SRGAP1: variants seen among roughly 807,000 people sequenced by gnomAD.
The protein encoded by SRGAP1 is SLIT-ROBO Rho GTPase activating protein 1, also known as SLIT-ROBO Rho GTPase-activating protein 1.
Under a neutral mutation model 121.9 loss-of-function variants are expected in SRGAP1, and 43 were observed. That is an observed-to-expected ratio of 0.35 (90% CI 0.28 to 0.46). The LOEUF is 0.46. Ranked by LOEUF, SRGAP1 falls within the 20% of genes least tolerant of loss-of-function variation. The pLI is 1.00. For missense variants in SRGAP1, 1,102 were observed against 1,350.9 expected, an observed-to-expected ratio of 0.82 and a Z score of 2.89; for synonymous variants, 447 against 485.4, an observed-to-expected ratio of 0.92 and a Z score of 1.04.
chr12:63,856,117 G>A (rs1213056407), intron 1 of SRGAP1, among the ~76,000 whole-genome samples: 1 of 152,108 alleles, frequency 6.6e-6, no homozygotes, highest in Non-Finnish European at 1.5e-5. Context: ...AATTAGCTGG[G>A]CATGGTGGCA....
chr12:63,986,401 AAGAC>A (rs1194872021), intron 2 of SRGAP1, among the ~76,000 whole-genome samples: 16 of 152,112 alleles, frequency 1.1e-4, no homozygotes, highest in Admixed American at 6.6e-5. Flanking sequence ...TGTAATTAAG[AAGAC>A]AGCCCATTCA....
At chr12:63,978,109 A>G (rs2033140812) in intron 1 of SRGAP1, among the ~76,000 whole-genome samples, 1 of 152,224 alleles carries the variant, frequency 6.6e-6, no homozygotes, top group Admixed American at 6.5e-5. Flanking sequence ...TGGGTGTGGA[A>G]ATAGGAGTTT....
rs1397623549 is a variant in SRGAP1 at position 64,159,648 on chromosome 12, TAAC to T, written c.*16979_*16981del. On this transcript the variant is annotated 3_prime_UTR_variant, in exon 22 of 22. Coordinates refer to ENST00000355086, the MANE Select transcript of SRGAP1 (RefSeq NM_020762.4). ...AGTGAGATCCTGTCTCAAAAAATAA[TAAC>T]AATAACGTATGAGAGAGGATTCAAG... The T allele has an allele frequency of 2.0e-5, 3 of 152,202 alleles. No individual in the cohort carries two copies. Among genetic ancestry groups the T allele is most frequent in the Admixed American group, 6.5e-5 (1 of 15,270 alleles). 9.4% of individuals were successfully genotyped at this position (152,202 alleles called of 1,614,324 possible). A position where few individuals can be genotyped will look rare whatever the true frequency, so the allele number is the denominator to read the frequency against.
rs530072721 is a variant in SRGAP1, at chr12:63,945,229, C to A, written c.68-38718C>A. Among the ~76,000 whole-genome samples, 5 of 151,852 alleles carry A rather than the reference C, an allele frequency of 3.3e-5. No individual in the cohort carries two copies. The South Asian group carries it at 1.0e-3, about 32-fold the overall frequency. ...GAATGGTTCTTCTCAGGGCCAAAGG[C>A]TTCTGTCTTTCTCCCTTCCTCTTTT... On this transcript the variant is annotated intron_variant, in intron 1 of 21. Coordinates refer to ENST00000355086, the MANE Select transcript of SRGAP1 (RefSeq NM_020762.4).
At chr12:63,903,880 G>T (rs1039797525) in intron 1 of SRGAP1, among the ~76,000 whole-genome samples, 1 of 151,968 alleles carries the variant, frequency 6.6e-6, no homozygotes, top group African/African-American at 2.4e-5. Flanking sequence ...TGATCTGCCC[G>T]CCTCGGCCTC....
At chr12:64,043,033 T>C in intron 5 of SRGAP1, 61 bp downstream of exon 5, 1 of 1,131,744 alleles carries the variant, frequency 8.8e-7, no homozygotes, top group African/African-American at 1.5e-5. Context: ...CTAAGAACAC[T>C]GATGCAATAG....
At position 64,127,715 on chromosome 12, in the gene SRGAP1, A is replaced by G. The variant is rs558562879; in HGVS notation, c.2531A>G (p.Tyr844Cys). 4.1e-5 allele frequency: 66 copies of G among 1,614,068 alleles called. No homozygotes were observed. The South Asian group carries it at 6.9e-4, about 17-fold the overall frequency. ...CCGACAGACCGTCATCCTGACGGCTATTTAGCCAGGTAAGTAGAGCCTGGG... is the reference window on the plus strand; with the variant it reads ...CCGACAGACCGTCATCCTGACGGCTGTTTAGCCAGGTAAGTAGAGCCTGGG... ...NSPTDRHPDG[Y>C]LARQRKRGEP... is the part of the protein sequence containing the mutation. Residue 844 changes from tyrosine to cysteine, a missense_variant, in exon 20 of 22, where the codon TAT becomes TGT. Tyr to Cys is a radical substitution (Grantham distance 194). This residue lies in a region of SRGAP1 where 315 missense variants were observed against 343.1 expected (regional missense o/e 0.92). Transcript: ENST00000355086.
At position 64,052,844 on chromosome 12, in the gene SRGAP1, A is replaced by G. The variant is rs140682873; in HGVS notation, c.801+9269A>G. Among the ~76,000 whole-genome samples, 372 of 152,240 alleles carry G rather than the reference A, an allele frequency of 2.4e-3. 1 individual carries two copies. The highest frequency in any genetic ancestry group is 8.4e-3 in the African/African-American group (349 of 41,536). On this transcript the variant is annotated intron_variant, in intron 6 of 21. Coordinates refer to ENST00000355086, the MANE Select transcript of SRGAP1 (RefSeq NM_020762.4). ...AAATCACTTTCGTTGTGTATCATTT[A>G]TAATTTCTAGTTTTGAGGGTTTTTT...
chr12:64,081,104 AG>A (rs770682670), intron 10 of SRGAP1: 3 of 152,408 alleles, frequency 2.0e-5, no homozygotes, highest in Non-Finnish European at 4.4e-5. Context: ...GAAATTTAAA[AG>A]GAAAAAAATA....
chr12:63,959,115 T>C lies in SRGAP1; in HGVS notation c.68-24832T>C, dbSNP rs1273789302. 2.0e-5 allele frequency among the ~76,000 whole-genome samples: 3 copies of C among 152,200 alleles called. No homozygotes were observed. The East Asian group carries it at 5.8e-4, about 29-fold the overall frequency. ...GACCCTAGCAAGACCCAAAATTTAA[T>C]TTGGGGCAATCTGTTTAACTTCATC... On this transcript the variant is annotated intron_variant, in intron 1 of 21. Coordinates refer to ENST00000355086, the MANE Select transcript of SRGAP1 (RefSeq NM_020762.4).
In SRGAP1 at chr12:64,156,229, T is replaced by G. The variant is rs2037163074; in HGVS notation, c.*13557T>G. The G allele has an allele frequency of 6.6e-6, 1 of 152,322 alleles. No individual in the cohort carries two copies. The highest frequency in any genetic ancestry group is 1.5e-5 in the Non-Finnish European group (1 of 68,022). The allele number at this position is 152,322 out of a possible 1,614,324, so 9.4% of individuals were successfully genotyped here. A position where few individuals can be genotyped will look rare whatever the true frequency, so the allele number is the denominator to read the frequency against. ...TAAAGACATTTTATTCTTTTTTGTC[T>G]TCATCAGAATTTATTGAATCCTGAT... On this transcript the variant is annotated 3_prime_UTR_variant, in exon 22 of 22. Coordinates refer to ENST00000355086, the MANE Select transcript of SRGAP1 (RefSeq NM_020762.4).
chr12:64,051,921 A>G (rs2035245524), intron 6 of SRGAP1, among the ~76,000 whole-genome samples: 1 of 152,204 alleles, frequency 6.6e-6, no homozygotes, highest in Non-Finnish European at 1.5e-5. Context: ...CCTTGTTAGG[A>G]TCAATGAATG....
rs2037105881 is a variant in SRGAP1 at position 64,150,480 on chromosome 12, C to T, written c.*7808C>T. 6.6e-6 allele frequency: 1 copy of T among 151,976 alleles called. No individual in the cohort carries two copies. The highest frequency in any genetic ancestry group is 2.4e-5 in the African/African-American group (1 of 41,360). 9.4% of individuals were successfully genotyped at this position (151,976 alleles called of 1,614,324 possible). On this transcript the variant is annotated 3_prime_UTR_variant, in exon 22 of 22. Transcript: ENST00000355086. ...TCTGTCTCTGACATACCCAAGGAAC[C>T]CCTTGTGTAAAAATCATGTCCCTCT...
At position 64,045,065 on chromosome 12, in the gene SRGAP1, G is replaced by A. The variant is rs376696577; in HGVS notation, c.801+1490G>A. On this transcript the variant is annotated intron_variant, in intron 6 of 21. Transcript: ENST00000355086. ...TATAATATCATAATTTGTTTATATA[G>A]AACCATGTAGTAATAAATAAAACCA... is the stretch of plus-strand genomic sequence containing the variant. Among the ~76,000 whole-genome samples, 40 of 151,926 alleles carry A rather than the reference G, an allele frequency of 2.6e-4. 1 individual carries two copies. In the South Asian group the frequency reaches 7.3e-3, roughly 28 times the overall value.
intron 1 of SRGAP1, among the ~76,000 whole-genome samples, chr12:63,875,746 G>T (rs1206370016): frequency 2.0e-5 from 3 of 152,196 alleles, no homozygotes; most frequent in East Asian, 1.9e-4. Context: ...GTAATTCTTT[G>T]TAAGAACGTA....
intron 7 of SRGAP1, among the ~76,000 whole-genome samples, chr12:64,063,601 G>C (rs2035487879): frequency 6.6e-6 from 1 of 152,076 alleles, no homozygotes. Flanking sequence ...ATGAGCCTTA[G>C]AAATTATGAC....
At chr12:64,105,164 C>T (rs2036324692) in intron 15 of SRGAP1, among the ~76,000 whole-genome samples, 1 of 152,076 alleles carries the variant, frequency 6.6e-6, no homozygotes. Context: ...TCATATAATA[C>T]TTGTTCTTTT....
At chr12:63,939,432 G>T (rs1989584) in intron 1 of SRGAP1, among the ~76,000 whole-genome samples, 25,598 of 151,946 alleles carry the variant, frequency 0.17, 3,162 homozygotes, top group African/African-American at 0.35. Flanking sequence ...TCAGAAAGGC[G>T]TAAGGGAACT....
chr12:64,120,397 ACCAC>A (rs1241251999), intron 18 of SRGAP1: 2 of 152,110 alleles, frequency 1.3e-5, no homozygotes, highest in African/African-American at 2.4e-5. Context: ...AGTTTTTCAA[ACCAC>A]CCAGGTAGTG....
Sources: allele counts gnomAD v4.1 joint callset (sites outside exome capture counted in the v4.1 genomes callset), GRCh38; gene constraint gnomAD v4.1.1; regional missense constraint gnomAD v4.1.1; transcripts MANE v1.5; gene names NCBI Gene and HGNC (gene_info 2026-07-23, HGNC 2026-07-21).